DNAH5: variants seen among roughly 807,000 people sequenced by gnomAD.
DNAH5 encodes the protein dynein axonemal heavy chain 5, also known as axonemal beta dynein heavy chain 5.
DNAH5 carries 372 observed loss-of-function variants against 518.2 expected under a neutral mutation model. The ratio of observed to expected loss-of-function variants is 0.72; its 90% confidence interval spans 0.66 to 0.78. The LOEUF (loss-of-function observed/expected upper bound fraction) is 0.78. Among genes scored for constraint, DNAH5 ranks in the 30% least tolerant of loss-of-function variants. The pLI, the probability that DNAH5 is intolerant of heterozygous loss-of-function variation, is 0.00. For synonymous variants in DNAH5, 2,039 were observed against 2,025.9 expected (o/e 1.01, Z -0.17); for missense variants, 5,523 against 5,687.0 (o/e 0.97, Z 0.93).
intron 69 of DNAH5, 53 bp downstream of exon 69, chr5:13,729,386 T>C: frequency 6.2e-7 from 1 of 1,610,994 alleles, no homozygotes; most frequent in South Asian, 1.1e-5. Flanking sequence ...TAGTGATAAA[T>C]CAGAAAGCTG....
At chr5:13,999,265 T>G (rs1435793112) in intron 1 of DNAH5, among the ~76,000 whole-genome samples, 2 of 152,242 alleles carry the variant, frequency 1.3e-5, no homozygotes, top group Non-Finnish European at 2.9e-5. Context: ...TATACATTAT[T>G]GCTAACTATA....
At chr5:13,931,849 TC>T (rs1157912351) in intron 1 of DNAH5, among the ~76,000 whole-genome samples, 2 of 152,240 alleles carry the variant, frequency 1.3e-5, no homozygotes, top group Non-Finnish European at 2.9e-5. Context: ...TATATTTACA[TC>T]ATACTATAAA....
intron 1 of DNAH5, among the ~76,000 whole-genome samples, chr5:13,991,860 G>C (rs754287545): frequency 2.0e-5 from 3 of 152,130 alleles, no homozygotes; most frequent in Non-Finnish European, 1.5e-5. Context: ...CTCCATCTGC[G>C]AAAGAGATAA....
At chr5:13,905,385 T>A (rs544074746) in intron 12 of DNAH5, among the ~76,000 whole-genome samples, 1 of 152,340 alleles carries the variant, frequency 6.6e-6, no homozygotes, top group Non-Finnish European at 1.5e-5. Context: ...CAAGCTCTCT[T>A]GCTCTTCAGC....
intron 35 of DNAH5, among the ~76,000 whole-genome samples, chr5:13,838,336 C>T (rs952984785): frequency 4.6e-5 from 7 of 152,282 alleles, no homozygotes; most frequent in Middle Eastern, 3.4e-3. Flanking sequence ...AACCGGGCCA[C>T]ACAGCAGGAG....
intron 65 of DNAH5, among the ~76,000 whole-genome samples, chr5:13,737,722 C>T (rs934283046): frequency 3.3e-5 from 5 of 149,966 alleles, no homozygotes; most frequent in Non-Finnish European, 7.4e-5. Flanking sequence ...GTCGAAAGTT[C>T]GAGACTAGCC....
chr5:13,916,105 T>C lies in DNAH5; in HGVS notation c.1197+243A>G, dbSNP rs569109294. 2.6e-5 allele frequency among the ~76,000 whole-genome samples: 4 copies of C among 151,852 alleles called. No homozygotes were observed. The East Asian group carries it at 7.7e-4, about 29-fold the overall frequency. On this transcript the variant is annotated intron_variant, in intron 9 of 78. Transcript: ENST00000265104. Reference sequence around the variant, plus strand: ...AAATTCCAAGAGCAATCTTTTTTCATTTGTATTATATAAATAATAAAATAT... The same window carrying C: ...AAATTCCAAGAGCAATCTTTTTTCACTTGTATTATATAAATAATAAAATAT...
At chr5:13,838,193 G>A (rs1015989788) in intron 35 of DNAH5, among the ~76,000 whole-genome samples, 35 of 152,136 alleles carry the variant, frequency 2.3e-4, no homozygotes, top group African/African-American at 7.2e-4. Flanking sequence ...GTTCAAATTA[G>A]ACTAAGCAAA....
intron 40 of DNAH5, among the ~76,000 whole-genome samples, chr5:13,822,177 C>T (rs988897204): frequency 6.6e-6 from 1 of 151,910 alleles, no homozygotes; most frequent in South Asian, 2.1e-4. Flanking sequence ...AAAATTCAGA[C>T]ATTTATATAC....
intron 43 of DNAH5, among the ~76,000 whole-genome samples, chr5:13,813,842 T>C (rs1455343835): frequency 6.6e-6 from 1 of 152,162 alleles, no homozygotes; most frequent in Non-Finnish European, 1.5e-5. Context: ...ATAATGTAAA[T>C]AAACATCTAC....
At chr5:13,828,438 T>C (rs925228803) in intron 38 of DNAH5, among the ~76,000 whole-genome samples, 1 of 152,248 alleles carries the variant, frequency 6.6e-6, no homozygotes, top group African/African-American at 2.4e-5. Context: ...TGTGGCATGA[T>C]GCCCACCTCC....
intron 1 of DNAH5, among the ~76,000 whole-genome samples, chr5:14,011,530 C>T (rs1237800763): frequency 6.6e-6 from 1 of 152,216 alleles, no homozygotes; most frequent in East Asian, 1.9e-4. Context: ...AGCCGAGCCC[C>T]TCCCTGGTCT....
At chr5:13,902,406 T>C (rs1416841367) in intron 12 of DNAH5, among the ~76,000 whole-genome samples, 1 of 152,168 alleles carries the variant, frequency 6.6e-6, no homozygotes, top group Non-Finnish European at 1.5e-5. Flanking sequence ...CACTGGGGCC[T>C]TATCGCAATA....
chr5:13,948,637 ATGAT>A (rs1285551065), upstream of DNAH5, among the ~76,000 whole-genome samples: 1 of 152,234 alleles, frequency 6.6e-6, no homozygotes, highest in African/African-American at 2.4e-5. Flanking sequence ...TTAAGTAAAA[ATGAT>A]TGATTAATCT....
rs374317093 is a variant in DNAH5 at position 13,931,091 on chromosome 5, G to A, written c.192+19C>T. On this transcript the variant is annotated intron_variant, in intron 2 of 78. Coordinates refer to ENST00000265104, the MANE Select transcript of DNAH5 (RefSeq NM_001369.3). ...GTGCCCTCCATCATCAAGTCAGTGA[G>A]AAGTGAAACGCATCCCACCTGATTC... 7.4e-5 allele frequency: 120 copies of A among 1,613,898 alleles called. No homozygotes were observed. Among genetic ancestry groups the A allele is most frequent in the Non-Finnish European group, 9.9e-5 (117 of 1,179,914 alleles).
intron 1 of DNAH5, among the ~76,000 whole-genome samples, chr5:13,988,024 G>A (rs964132448): frequency 3.9e-5 from 6 of 152,102 alleles, no homozygotes; most frequent in African/African-American, 4.8e-5. Context: ...ATGGGAAGCC[G>A]CTAGGTGGTG....
chr5:14,006,318 T>G (rs1374543102), intron 1 of DNAH5, among the ~76,000 whole-genome samples: 3 of 152,200 alleles, frequency 2.0e-5, no homozygotes, highest in Non-Finnish European at 4.4e-5. Context: ...CTAGGCAAAC[T>G]GCTTAGCATA....
Position 13,820,425 on chromosome 5 carries a change from C to T in DNAH5, c.6762G>A (p.Val2254=). The change falls in exon 41 of 79, where the codon GTG becomes GTA. Residue 2254 remains valine (V), a synonymous_variant. Coordinates refer to ENST00000265104, the MANE Select transcript of DNAH5 (RefSeq NM_001369.3). ...GCCCCAGAGTCATCATCCCATGTCG[C>T]ACTCTCTGCGTTTCGAATAGCTGGA... The part of the protein sequence containing the change: ...KVIQLFETQR[V]RHGMMTLGPS... The T allele has an allele frequency of 6.2e-7, 1 of 1,614,026 alleles. No homozygotes were observed. Among genetic ancestry groups the T allele is most frequent in the Non-Finnish European group, 8.5e-7 (1 of 1,180,030 alleles).
chr5:13,885,698 A>G (rs1366900809), intron 18 of DNAH5, among the ~76,000 whole-genome samples: 1 of 152,154 alleles, frequency 6.6e-6, no homozygotes, highest in East Asian at 1.9e-4. Context: ...GTAAAATAAA[A>G]CACCCACCCA....
Sources: gnomAD v4.1 joint callset for allele counts (sites outside exome capture counted in the v4.1 genomes callset) on GRCh38, gnomAD v4.1.1 for gene constraint, MANE v1.5 for transcripts, NCBI Gene and HGNC (gene_info 2026-07-23, HGNC 2026-07-21) for gene names.